The following PRKN variants were observed in gnomAD, a reference collection of about 807,000 sequenced individuals.
PRKN encodes the protein E3 ubiquitin-protein ligase parkin.
A neutral mutation model predicts 59.5 loss-of-function variants in PRKN; 56 were observed. That is an observed-to-expected ratio of 0.94 (90% confidence interval 0.76 to 1.18). The LOEUF is 1.18. Ranked by LOEUF, PRKN falls within the 50% of genes most tolerant of loss-of-function variation. The pLI is 0.00. For synonymous variants in PRKN, 250 were observed against 222.1 expected (o/e 1.13, Z -1.12); for missense variants, 657 against 596.4 (o/e 1.10, Z -1.06).
intron 4 of PRKN, among the ~76,000 whole-genome samples, chr6:162,117,021 A>G (rs1336781256): frequency 6.6e-6 from 1 of 152,216 alleles, no homozygotes. Flanking sequence ...TCAGTGAAGT[A>G]TGTTTTATCA....
At chr6:162,289,968 T>C (rs1350398556) in intron 2 of PRKN, among the ~76,000 whole-genome samples, 1 of 152,204 alleles carries the variant, frequency 6.6e-6, no homozygotes, top group African/African-American at 2.4e-5. Flanking sequence ...GATTTTTTTC[T>C]TTCCTTCTGA....
chr6:161,697,458 C>A (rs1295401206), intron 7 of PRKN, among the ~76,000 whole-genome samples: 1 of 152,192 alleles, frequency 6.6e-6, no homozygotes, highest in Non-Finnish European at 1.5e-5. Flanking sequence ...AGCCCCTGTA[C>A]AACCTGGGCT....
At chr6:162,498,276 T>A (rs1793164195) in intron 1 of PRKN, among the ~76,000 whole-genome samples, 1 of 151,474 alleles carries the variant, frequency 6.6e-6, no homozygotes, top group Admixed American at 6.6e-5. Flanking sequence ...AATTGTAAGC[T>A]CCCTGAAGAA....
At chr6:161,520,025 G>A (rs1434225094) in intron 9 of PRKN, among the ~76,000 whole-genome samples, 1 of 152,130 alleles carries the variant, frequency 6.6e-6, no homozygotes, top group African/African-American at 2.4e-5. Flanking sequence ...AATAGCTTGA[G>A]GAAACTTGTG....
chr6:162,539,794 A>C (rs1778854170), intron 1 of PRKN, among the ~76,000 whole-genome samples: 1 of 152,218 alleles, frequency 6.6e-6, no homozygotes, highest in Admixed American at 6.5e-5. Flanking sequence ...CTCTCAAATT[A>C]AACAGTGAAA....
chr6:161,473,953 T>C lies in PRKN; in HGVS notation c.1083+74901A>G, dbSNP rs1790928542. On this transcript the variant is annotated intron_variant, in intron 9 of 11. Transcript: ENST00000366898. The surrounding 1 kb of genome is among the most constrained non-coding windows in gnomAD (Gnocchi z 4.1). Reference sequence around the variant, plus strand: ...GTATGTAGACTAGCGGGTTTTCTAATATCAAATTTTATGCTTGTGGAAATC... The same window carrying C: ...GTATGTAGACTAGCGGGTTTTCTAACATCAAATTTTATGCTTGTGGAAATC... Among the ~76,000 whole-genome samples, 1 of 152,140 alleles carries C rather than the reference T, an allele frequency of 6.6e-6. No homozygotes were observed. The highest frequency in any genetic ancestry group is 2.4e-5 in the African/African-American group (1 of 41,434).
At chr6:162,016,153 TAAAA>T (rs57107812) in intron 5 of PRKN, among the ~76,000 whole-genome samples, 1 of 151,182 alleles carries the variant, frequency 6.6e-6, no homozygotes, top group South Asian at 2.1e-4. Flanking sequence ...AAAATAATAA[TAAAA>T]AAAAACTGAA....
At chr6:162,583,600 A>C (rs73595914) in intron 1 of PRKN, among the ~76,000 whole-genome samples, 3,137 of 152,240 alleles carry the variant, frequency 0.021, 108 homozygotes, top group African/African-American at 0.07. Flanking sequence ...TGATGTGTTG[A>C]TTTAGCAATG....
In PRKN at chr6:161,372,275, A is replaced by G. The variant is rs1785472065; in HGVS notation, c.1168-12070T>C. Among the ~76,000 whole-genome samples, 1 of 152,314 alleles carries G rather than the reference A, an allele frequency of 6.6e-6. No homozygotes were observed. Among genetic ancestry groups the G allele is most frequent in the East Asian group, 1.9e-4 (1 of 5,184 alleles). On this transcript the variant is annotated intron_variant, in intron 10 of 11. Transcript: ENST00000366898. This position sits in a 1 kb window ranked among gnomAD's most constrained non-coding sequence, Gnocchi z 4.2. ...GCTGATTTGTATTTTTGATAATGAC[A>G]TTCTCTAGTTTTTGGTTGGCTTAGG...
intron 2 of PRKN, among the ~76,000 whole-genome samples, chr6:162,401,714 G>T (rs1223882305): frequency 1.3e-5 from 2 of 151,960 alleles, no homozygotes; most frequent in Non-Finnish European, 2.9e-5. Context: ...GAAAGAGAAA[G>T]AAAATATACA....
chr6:161,442,125 G>C lies in PRKN; in HGVS notation c.1084-55248C>G, dbSNP rs180920472. ...ACTTTAATAAACATACATGTGCCAA[G>C]CTGGCTCTGAATTATTTAAAATTAC... On this transcript the variant is annotated intron_variant, in intron 9 of 11. Transcript: ENST00000366898. The surrounding 1 kb of genome is among the most constrained non-coding windows in gnomAD (Gnocchi z 4.6). Among the ~76,000 whole-genome samples the C allele has an allele frequency of 2.6e-3, 397 of 152,324 alleles. 1 individual carries two copies. Among genetic ancestry groups the C allele is most frequent in the Non-Finnish European group, 4.7e-3 (323 of 68,020 alleles).
At chr6:162,319,716 C>T (rs1782907074) in intron 2 of PRKN, among the ~76,000 whole-genome samples, 1 of 151,910 alleles carries the variant, frequency 6.6e-6, no homozygotes, top group Non-Finnish European at 1.5e-5. Context: ...CACTAATATA[C>T]TAACATTTGC....
intron 7 of PRKN, among the ~76,000 whole-genome samples, chr6:161,681,931 T>C (rs966631323): frequency 2.0e-5 from 3 of 152,232 alleles, no homozygotes; most frequent in Admixed American, 6.5e-5. Context: ...CTCCTGCAGA[T>C]AGACCAGGGA....
At chr6:162,686,115 A>T (rs1779966632) in intron 1 of PRKN, among the ~76,000 whole-genome samples, 1 of 152,222 alleles carries the variant, frequency 6.6e-6, no homozygotes, top group Non-Finnish European at 1.5e-5. Context: ...TTAAAATATT[A>T]AACATAATAC....
At chr6:162,116,248 G>A (rs1216906814) in intron 4 of PRKN, among the ~76,000 whole-genome samples, 1 of 152,138 alleles carries the variant, frequency 6.6e-6, no homozygotes, top group Non-Finnish European at 1.5e-5. Flanking sequence ...GGCCACATAA[G>A]GATCTTGTAC....
chr6:162,620,553 G>C (rs1366093968), intron 1 of PRKN, among the ~76,000 whole-genome samples: 1 of 152,156 alleles, frequency 6.6e-6, no homozygotes, highest in African/African-American at 2.4e-5. Flanking sequence ...GCATAAGAAA[G>C]AGTTTTGAAA....
intron 6 of PRKN, among the ~76,000 whole-genome samples, chr6:161,825,651 C>T (rs960435666): frequency 6.6e-6 from 1 of 152,168 alleles, no homozygotes; most frequent in Non-Finnish European, 1.5e-5. Context: ...ATCTTCTGGG[C>T]ATGGGGTTTT....
At chr6:161,590,175 A>G (rs1781666167) in intron 7 of PRKN, among the ~76,000 whole-genome samples, 1 of 152,204 alleles carries the variant, frequency 6.6e-6, no homozygotes, top group African/African-American at 2.4e-5. Context: ...AATTAGCTTC[A>G]CAGTGGAGAA....
At chr6:161,641,192 C>T (rs1263619938) in intron 7 of PRKN, among the ~76,000 whole-genome samples, 2 of 152,242 alleles carry the variant, frequency 1.3e-5, no homozygotes, top group Non-Finnish European at 2.9e-5. Context: ...AGGGACTAGA[C>T]TGCTTTTGCA....
Sources: gnomAD v4.1 joint callset for allele counts (sites outside exome capture counted in the v4.1 genomes callset) on GRCh38, gnomAD v4.1.1 for gene constraint, Gnocchi (gnomAD v3.1) non-coding constraint, MANE v1.5 for transcripts, NCBI Gene and HGNC (gene_info 2026-07-23, HGNC 2026-07-21) for gene names.